The following MANSC1 variants were observed in gnomAD, a reference collection of about 807,000 sequenced individuals.
MANSC1 encodes MANSC domain containing 1, also known as MANSC domain-containing protein 1.
MANSC1 carries 13 observed loss-of-function variants against 14.1 expected under a neutral mutation model. That is an observed-to-expected ratio of 0.92 (90% confidence interval 0.60 to 1.46). The LOEUF is 1.46. Ranked by LOEUF, MANSC1 falls within the 40% of genes most tolerant of loss-of-function variation. The probability of loss-of-function intolerance (pLI) is 0.00; values close to 1 mark genes in which losing one functional copy is unlikely to be tolerated. For missense variants in MANSC1, 486 were observed against 511.4 expected, an observed-to-expected ratio of 0.95 and a Z score of 0.48; for synonymous variants, 227 against 200.7, an observed-to-expected ratio of 1.13 and a Z score of -1.11.
Position 12,330,200 on chromosome 12 carries a change from T to A in MANSC1, c.1123A>T (p.Asn375Tyr), listed in dbSNP as rs3741803. 2,339 of 1,614,134 alleles carry A rather than the reference T, an allele frequency of 1.4e-3. 75 individuals are homozygous for A. In the East Asian group the frequency reaches 0.039, roughly 27 times the overall value. Residue 375 changes from asparagine (N) to tyrosine (Y), a missense_variant, in exon 4 of 4, where the codon AAT (asparagine) becomes TAT (tyrosine). Coordinates refer to ENST00000535902, the MANE Select transcript of MANSC1 (RefSeq NM_018050.4). Reference sequence around the variant, plus strand: ...TTTTCAAATGGAAGGCCGTACTGATTTTCTGGAACACTGCCCTGGGAGGAA... The same window carrying A: ...TTTTCAAATGGAAGGCCGTACTGATATTCTGGAACACTGCCCTGGGAGGAA... ...GSSSQGSVPE[N>Y]QYGLPFEKWL...
chr12:12,343,538 G>A (rs929954599), intron 1 of MANSC1, 124 bp from the exon 2 acceptor site: 14 of 493,548 alleles, frequency 2.8e-5, no homozygotes, highest in Non-Finnish European at 3.6e-5. Flanking sequence ...AAAGATACAC[G>A]TATTTTTTGT....
Position 12,329,489 on chromosome 12 carries a change from A to G in MANSC1, c.*538T>C, listed in dbSNP as rs1272030426. The G allele has an allele frequency of 6.6e-6, 1 of 152,390 alleles. No homozygotes were observed. Among genetic ancestry groups the G allele is most frequent in the Non-Finnish European group, 1.5e-5 (1 of 68,184 alleles). The allele number at this position is 152,390 out of a possible 1,614,324, so 9.4% of individuals were successfully genotyped here. A position where few individuals can be genotyped will look rare whatever the true frequency, so the allele number is the denominator to read the frequency against. ...GAAATTTATATGGCAATTATACTTT[A>G]TTACTTTACATAGAGCTTTGTTTTT... On this transcript the variant is annotated 3_prime_UTR_variant, in exon 4 of 4. Coordinates refer to ENST00000535902, the MANE Select transcript of MANSC1 (RefSeq NM_018050.4).
At chr12:12,349,467 T>C (rs1863049169) in intron 1 of MANSC1, among the ~76,000 whole-genome samples, 1 of 152,178 alleles carries the variant, frequency 6.6e-6, no homozygotes, top group Admixed American at 6.5e-5. Flanking sequence ...CAATATTAGG[T>C]TAGCGACGTT....
chr12:12,335,080 G>A (rs552546383), intron 3 of MANSC1, among the ~76,000 whole-genome samples: 9 of 152,092 alleles, frequency 5.9e-5, no homozygotes, highest in Non-Finnish European at 1.3e-4. Flanking sequence ...CCATTCATCT[G>A]GATGCTCAAG....
rs1444501980 is a variant in MANSC1 at position 12,328,942 on chromosome 12, C to G, written c.*1085G>C. 1 of 151,434 alleles carries G rather than the reference C, an allele frequency of 6.6e-6. No individual in the cohort carries two copies. Among genetic ancestry groups the G allele is most frequent in the South Asian group, 2.1e-4 (1 of 4,752 alleles). 9.4% of individuals were successfully genotyped at this position (151,434 alleles called of 1,614,324 possible). A position where few individuals can be genotyped will look rare whatever the true frequency, so the allele number is the denominator to read the frequency against. ...GGCGGAGCTGGCAGTGAGCCGAGAT[C>G]GCGCCACTGCACTCTAGCCTGGGTG... On this transcript the variant is annotated 3_prime_UTR_variant, in exon 4 of 4. Transcript: ENST00000535902.
chr12:12,333,134 C>A (rs1862814365), intron 3 of MANSC1, among the ~76,000 whole-genome samples: 1 of 152,052 alleles, frequency 6.6e-6, no homozygotes. Context: ...GCAGCCTCAA[C>A]CTCCTGGGTT....
At chr12:12,342,105 G>T (rs1421557727) in intron 2 of MANSC1, among the ~76,000 whole-genome samples, 2 of 152,228 alleles carry the variant, frequency 1.3e-5, no homozygotes, top group Non-Finnish European at 2.9e-5. Context: ...AGCACGCCTG[G>T]CTGATTTTTT....
chr12:12,330,595 T>C lies in MANSC1; in HGVS notation c.728A>G (p.Lys243Arg). 2.5e-6 allele frequency: 4 copies of C among 1,614,190 alleles called. No individual in the cohort carries two copies. Among genetic ancestry groups the C allele is most frequent in the Non-Finnish European group, 3.4e-6 (4 of 1,180,032 alleles). Reference protein sequence around the residue: ...ASPHTTSATPKPATLLPTNAS... With the variant: ...ASPHTTSATPRPATLLPTNAS... ...ATTGGTGGGTAGAAGGGTGGCGGGC[T>C]TTGGAGTAGCCGAGGTGGTATGTGG... Residue 243 changes from lysine (K) to arginine (R), a missense_variant, in exon 4 of 4, where the codon AAG becomes AGG. Coordinates refer to ENST00000535902, the MANE Select transcript of MANSC1 (RefSeq NM_018050.4).
intron 3 of MANSC1, among the ~76,000 whole-genome samples, chr12:12,331,985 A>G (rs1259709440): frequency 6.6e-6 from 1 of 152,112 alleles, no homozygotes; most frequent in African/African-American, 2.4e-5. Flanking sequence ...TACAGTCCCG[A>G]TGCCTGCTGA....
chr12:12,343,646 G>A (rs1862967365), intron 1 of MANSC1, among the ~76,000 whole-genome samples: 1 of 152,184 alleles, frequency 6.6e-6, no homozygotes, highest in African/African-American at 2.4e-5. Context: ...CTTAAAAGCT[G>A]ACAATGCTTA....
In MANSC1 at chr12:12,329,966, GAA is replaced by G; in HGVS notation, c.*59_*60del. On this transcript the variant is annotated 3_prime_UTR_variant, in exon 4 of 4. Coordinates refer to ENST00000535902, the MANE Select transcript of MANSC1 (RefSeq NM_018050.4). The stretch of plus-strand genomic sequence containing the variant: ...TCCTGCTAAGACTAGCAAGTCAGCA[GAA>G]ACTCATTGCATTTGGGCTTCTGGTT... The G allele has an allele frequency of 4.2e-6, 6 of 1,416,822 alleles. No individual in the cohort carries two copies. The highest frequency in any genetic ancestry group is 4.9e-6 in the Non-Finnish European group (5 of 1,029,168). The allele number at this position is 1,416,822 out of a possible 1,614,324, so 87.8% of individuals were successfully genotyped here. A position where few individuals can be genotyped will look rare whatever the true frequency, so the allele number is the denominator to read the frequency against.
chr12:12,330,192 G>T lies in MANSC1; in HGVS notation c.1131C>A (p.Tyr377Ter), dbSNP rs761963025. ...SSQGSVPENQ[Y>*]GLPFEKWLLI... ...GAAGCCATTTTTCAAATGGAAGGCC[G>T]TACTGATTTTCTGGAACACTGCCCT... The change falls in exon 4 of 4, where the codon TAC becomes TAA. Residue 377 changes from tyrosine to a stop codon, truncating the protein, a stop_gained. Transcript: ENST00000535902. LOFTEE classifies it high-confidence loss of function. 1.2e-6 allele frequency: 2 copies of T among 1,614,178 alleles called. No individual in the cohort carries two copies. The highest frequency in any genetic ancestry group is 8.5e-7 in the Non-Finnish European group (1 of 1,180,044).
In MANSC1 at chr12:12,330,486, G is replaced by A. The variant is rs777790534; in HGVS notation, c.837C>T (p.Pro279=). 3 of 1,614,192 alleles carry A rather than the reference G, an allele frequency of 1.9e-6. No homozygotes were observed. Among genetic ancestry groups the A allele is most frequent in the Non-Finnish European group, 2.5e-6 (3 of 1,180,036 alleles). The change falls in exon 4 of 4, where the codon CCC becomes CCT. Residue 279 remains proline, a synonymous_variant. Coordinates refer to ENST00000535902, the MANE Select transcript of MANSC1 (RefSeq NM_018050.4). ...TAAAAACTGTAGAAATGAGGGTCGT[G>A]GGAGGCTGAGAAGTGACAGTGGTTA... is the stretch of plus-strand genomic sequence containing the variant. ...PPVTTVTSQP[P]TTLISTVFTR...
chr12:12,331,219 TG>T, intron 3 of MANSC1, among the ~76,000 whole-genome samples: 1 of 152,270 alleles, frequency 6.6e-6, no homozygotes, highest in South Asian at 2.1e-4. Flanking sequence ...GACATTTCAT[TG>T]AAATGTGTGC....
Position 12,343,215 on chromosome 12 carries a change from G to T in MANSC1, c.100C>A (p.Leu34Ile), listed in dbSNP as rs760114487. Residue 34 changes from leucine (L) to isoleucine (I), a missense_variant, in exon 2 of 4, where the codon CTA becomes ATA. By Grantham distance (5) the Leu-to-Ile change is conservative. Coordinates refer to ENST00000535902, the MANE Select transcript of MANSC1 (RefSeq NM_018050.4). ...SASQNCLKKS[L>I]EDVVIDIQSS... is the part of the protein sequence containing the mutation. The stretch of plus-strand genomic sequence containing the variant: ...TGGATGTCAATGACAACATCTTCTA[G>T]ACTCTTTTTGAGGCAATTCTGACTA... 8 of 1,613,926 alleles carry T rather than the reference G, an allele frequency of 5.0e-6. No homozygotes were observed. The highest frequency in any genetic ancestry group is 6.8e-6 in the Non-Finnish European group (8 of 1,179,832).
At chr12:12,348,203 T>C (rs915575862) in intron 1 of MANSC1, 3 of 152,244 alleles carry the variant, frequency 2.0e-5, no homozygotes, top group African/African-American at 7.2e-5. Context: ...ATTGTCCTCC[T>C]ATGTATTCAC....
chr12:12,343,643 G>C (rs1359489788), intron 1 of MANSC1, among the ~76,000 whole-genome samples: 1 of 152,178 alleles, frequency 6.6e-6, no homozygotes, highest in Non-Finnish European at 1.5e-5. Flanking sequence ...ATGCTTAAAA[G>C]CTGACAATGC....
At chr12:12,343,030 C>G in intron 2 of MANSC1, 62 bp downstream of exon 2, 1 of 1,158,092 alleles carries the variant, frequency 8.6e-7, no homozygotes, top group Non-Finnish European at 1.3e-6. Flanking sequence ...TCAGCCACAT[C>G]CCCCAGCTCC....
At chr12:12,348,404 G>C (rs751733891) in intron 1 of MANSC1, among the ~76,000 whole-genome samples, 5 of 152,132 alleles carry the variant, frequency 3.3e-5, no homozygotes, top group Admixed American at 1.3e-4. Context: ...GCCACAAAAA[G>C]ACATGGAGGA....
Sources: gnomAD v4.1 joint callset for allele counts (sites outside exome capture counted in the v4.1 genomes callset) on GRCh38, gnomAD v4.1.1 for gene constraint, MANE v1.5 for transcripts, NCBI Gene and HGNC (gene_info 2026-07-23, HGNC 2026-07-21) for gene names.